HS3ST5: variants seen among roughly 807,000 people sequenced by gnomAD.
The protein encoded by HS3ST5 is heparan sulfate glucosamine 3-O-sulfotransferase 5.
A neutral mutation model predicts 25.4 loss-of-function variants in HS3ST5; 10 were observed. The observed-to-expected ratio is 0.39, with a 90% CI of 0.24 to 0.67. HS3ST5 has a LOEUF of 0.67. Ranked by LOEUF, HS3ST5 falls within the 30% of genes least tolerant of loss-of-function variation. The pLI, the probability that HS3ST5 is intolerant of heterozygous loss-of-function variation, is 0.44. For synonymous variants in HS3ST5, 170 were observed against 162.4 expected (o/e 1.05, Z -0.36); for missense variants, 324 against 420.7 (o/e 0.77, Z 2.01).
intron 1 of HS3ST5, among the ~76,000 whole-genome samples, chr6:114,325,314 G>A (rs1159181087): frequency 1.3e-5 from 2 of 152,186 alleles, no homozygotes; most frequent in Non-Finnish European, 2.9e-5. Flanking sequence ...AGGCTTTATG[G>A]AAAAGGCTGT....
At chr6:114,268,147 A>G (rs1241408149) in intron 1 of HS3ST5, among the ~76,000 whole-genome samples, 1 of 152,038 alleles carries the variant, frequency 6.6e-6, no homozygotes, top group Non-Finnish European at 1.5e-5. Flanking sequence ...TGGCTCAGGC[A>G]CTCATACTAC....
intron 2 of HS3ST5, among the ~76,000 whole-genome samples, chr6:114,224,749 A>C (rs928702762): frequency 6.6e-5 from 10 of 150,450 alleles, no homozygotes; most frequent in Admixed American, 2.7e-4. Flanking sequence ...GTCTTTCCTA[A>C]TTTTTGTTAG....
chr6:114,247,131 T>G (rs140790198), intron 1 of HS3ST5, among the ~76,000 whole-genome samples: 1 of 152,206 alleles, frequency 6.6e-6, no homozygotes, highest in Non-Finnish European at 1.5e-5. Flanking sequence ...TTCACTCAAC[T>G]GTGGGTTATT....
intron 3 of HS3ST5, among the ~76,000 whole-genome samples, chr6:114,075,666 G>A (rs547339159): frequency 1.3e-5 from 2 of 152,204 alleles, no homozygotes; most frequent in African/African-American, 4.8e-5. Flanking sequence ...AGACTTTTTG[G>A]TCTTTGAGGA....
chr6:114,213,837 A>T (rs1781628220), intron 2 of HS3ST5, among the ~76,000 whole-genome samples: 1 of 152,174 alleles, frequency 6.6e-6, no homozygotes, highest in African/African-American at 2.4e-5. Context: ...GTCTCAGTTC[A>T]CATATGGTGA....
intron 1 of HS3ST5, among the ~76,000 whole-genome samples, chr6:114,291,189 T>G (rs1323113347): frequency 1.3e-5 from 2 of 152,056 alleles, no homozygotes; most frequent in African/African-American, 4.8e-5. Context: ...AACTACTAGT[T>G]GGGGAGTGCA....
At chr6:114,087,958 C>T (rs6924016) in intron 3 of HS3ST5, among the ~76,000 whole-genome samples, 38,123 of 152,036 alleles carry the variant, frequency 0.25, 4,916 homozygotes, top group African/African-American at 0.29. Context: ...TAGTCACTAG[C>T]CCCTAGCCAT....
Position 114,056,875 on chromosome 6 carries a change from C to T in HS3ST5, c.*382G>A, listed in dbSNP as rs1487283063. On this transcript the variant is annotated 3_prime_UTR_variant, in exon 5 of 5. Coordinates refer to ENST00000312719, the MANE Select transcript of HS3ST5 (RefSeq NM_153612.4). ...AAAAAATGCATCACTGGATCCTCTA[C>T]TTCCTGAAGCTTCGCAGCCATTGGT... The T allele has an allele frequency of 6.1e-6, 1 of 164,764 alleles. No homozygotes were observed. Among genetic ancestry groups the T allele is most frequent in the African/African-American group, 2.4e-5 (1 of 41,990 alleles). 10.2% of individuals were successfully genotyped at this position (164,764 alleles called of 1,614,324 possible).
chr6:114,181,433 T>C (rs1261604512), intron 2 of HS3ST5, among the ~76,000 whole-genome samples: 2 of 152,256 alleles, frequency 1.3e-5, no homozygotes, highest in Non-Finnish European at 2.9e-5. Context: ...AGAATTCCTG[T>C]TCTGAAGAGA....
At chr6:114,315,001 A>G (rs568855083) in intron 1 of HS3ST5, among the ~76,000 whole-genome samples, 43 of 152,314 alleles carry the variant, frequency 2.8e-4, no homozygotes, top group African/African-American at 9.9e-4. Context: ...TAAAATTAAC[A>G]TAGTCTTAAT....
intron 1 of HS3ST5, chr6:114,340,488 T>A (rs1247642441): frequency 6.6e-6 from 1 of 152,234 alleles, no homozygotes; most frequent in Non-Finnish European, 1.5e-5. Context: ...CCCATTGCTA[T>A]GTGTCTTGTA....
At chr6:114,204,914 A>T (rs959470884) in intron 2 of HS3ST5, among the ~76,000 whole-genome samples, 3 of 152,178 alleles carry the variant, frequency 2.0e-5, no homozygotes, top group African/African-American at 7.2e-5. Context: ...AGCTCTTGAT[A>T]AGTACACAAC....
At chr6:114,263,496 T>A (rs1433086353) in intron 1 of HS3ST5, among the ~76,000 whole-genome samples, 3 of 152,216 alleles carry the variant, frequency 2.0e-5, no homozygotes, top group Non-Finnish European at 4.4e-5. Flanking sequence ...TTCTCACATA[T>A]CTCCTAATCT....
chr6:114,262,419 C>G (rs1435151796), intron 1 of HS3ST5, among the ~76,000 whole-genome samples: 1 of 152,002 alleles, frequency 6.6e-6, no homozygotes, highest in Non-Finnish European at 1.5e-5. Flanking sequence ...TGGTGGCAGG[C>G]ACCTGTAGTC....
intron 1 of HS3ST5, among the ~76,000 whole-genome samples, chr6:114,263,707 T>G (rs749548437): frequency 6.6e-6 from 1 of 152,162 alleles, no homozygotes; most frequent in African/African-American, 2.4e-5. Flanking sequence ...CCACAAGGTA[T>G]GTAGTCAGCA....
chr6:114,130,060 A>G (rs375025889), intron 3 of HS3ST5, among the ~76,000 whole-genome samples: 34 of 152,348 alleles, frequency 2.2e-4, no homozygotes, highest in South Asian at 1.7e-3. Context: ...GTTCCATCTC[A>G]ATGAAACGAA....
At chr6:114,079,002 A>G (rs1774303567) in intron 3 of HS3ST5, among the ~76,000 whole-genome samples, 1 of 152,238 alleles carries the variant, frequency 6.6e-6, no homozygotes, top group African/African-American at 2.4e-5. Context: ...TTAAAAAACA[A>G]TGTACGTGCC....
chr6:114,145,756 T>G (rs1220269233), intron 3 of HS3ST5, among the ~76,000 whole-genome samples: 1 of 152,114 alleles, frequency 6.6e-6, no homozygotes, highest in Non-Finnish European at 1.5e-5. Flanking sequence ...GGGGGTGCTG[T>G]GGGAAGCAGG....
At chr6:114,070,279 GAAAA>G (rs542740095) in intron 3 of HS3ST5, among the ~76,000 whole-genome samples, 1 of 113,872 alleles carries the variant, frequency 8.8e-6, no homozygotes. Flanking sequence ...ATGGGGAGAT[GAAAA>G]AAAAAAAAAA....
Sources: gnomAD v4.1 joint callset for allele counts (sites outside exome capture counted in the v4.1 genomes callset) on GRCh38, gnomAD v4.1.1 for gene constraint, MANE v1.5 for transcripts, NCBI Gene and HGNC (gene_info 2026-07-23, HGNC 2026-07-21) for gene names.